The following UBE3B variants were observed in gnomAD, a reference collection of about 807,000 sequenced individuals.
UBE3B encodes ubiquitin protein ligase E3B.
In UBE3B, 80 loss-of-function variants were observed where a neutral mutation model predicts 132.3. That is an observed-to-expected ratio of 0.60 (90% CI 0.50 to 0.73). The LOEUF (loss-of-function observed/expected upper bound fraction) is 0.73, where lower values mean the gene tolerates loss of function less well. Among genes scored for constraint, UBE3B ranks in the 30% least tolerant of loss-of-function variants. UBE3B has a pLI of 0.00. For missense variants in UBE3B, 1,196 were observed against 1,362.5 expected (o/e 0.88, Z 1.92); for synonymous variants, 487 against 520.4 (o/e 0.94, Z 0.87).
the UBE3B span, among the ~76,000 whole-genome samples, chr12:109,546,517 G>A: frequency 1.1e-4 from 16 of 152,216 alleles, no homozygotes; most frequent in African/African-American, 3.4e-4. Flanking sequence ...TGCTGTGGGC[G>A]TGAATGAACC....
intron 15 of UBE3B, chr12:109,509,033 T>C (rs990899721): frequency 2.6e-5 from 4 of 152,318 alleles, no homozygotes; most frequent in African/African-American, 9.7e-5. Context: ...AAGAAAAATA[T>C]AGAGTACAGA....
At chr12:109,533,851 A>G (rs1363296916) in intron 27 of UBE3B, 1 of 1,217,054 alleles carries the variant, frequency 8.2e-7, no homozygotes, top group Non-Finnish European at 1.1e-6. Context: ...GTCTGGCCTC[A>G]CCAGGGCTCC....
At chr12:109,494,103 T>C (rs1165052060) in intron 9 of UBE3B, among the ~76,000 whole-genome samples, 1 of 152,140 alleles carries the variant, frequency 6.6e-6, no homozygotes, top group South Asian at 2.1e-4. Context: ...GCTGGAATTA[T>C]AGGAGTGAGC....
the UBE3B span, among the ~76,000 whole-genome samples, chr12:109,543,594 T>G: frequency 3.3e-5 from 5 of 152,180 alleles, no homozygotes; most frequent in African/African-American, 1.2e-4. Flanking sequence ...ATCCCAACAC[T>G]TTCGGAGGCA....
intron 14 of UBE3B, 73 bp downstream of exon 14, chr12:109,503,263 T>A: frequency 6.4e-7 from 1 of 1,557,920 alleles, no homozygotes; most frequent in Non-Finnish European, 8.7e-7. Context: ...AAGTCGATGT[T>A]TTTTTCTGGC....
intron 2 of UBE3B, among the ~76,000 whole-genome samples, chr12:109,482,160 A>C (rs61941591): frequency 0.17 from 25,711 of 152,176 alleles, 2,229 homozygotes; most frequent in African/African-American, 0.18. Context: ...TAATACTATT[A>C]AGTCCAATGT....
chr12:109,508,262 A>T (rs1239057405), intron 15 of UBE3B, among the ~76,000 whole-genome samples: 1 of 152,222 alleles, frequency 6.6e-6, no homozygotes, highest in Non-Finnish European at 1.5e-5. Context: ...GGCACATAGG[A>T]TGAGTTCAGT....
chr12:109,523,976 A>G lies in UBE3B; in HGVS notation c.2365-2A>G. 1.2e-6 allele frequency: 2 copies of G among 1,613,790 alleles called. No homozygotes were observed. Among genetic ancestry groups the G allele is most frequent in the African/African-American group, 1.3e-5 (1 of 75,042 alleles). ...GACAGCTCTGCTTCTCTGCTCTCCC[A>G]GGGAATTGTGGTGGACGTGCCATTT... On this transcript the variant is annotated splice_acceptor_variant, in intron 21 of 27. Coordinates refer to ENST00000342494, the MANE Select transcript of UBE3B (RefSeq NM_130466.4). LOFTEE classifies it high-confidence loss of function.
At chr12:109,526,780 A>G (rs1882382895) in intron 24 of UBE3B, among the ~76,000 whole-genome samples, 1 of 152,024 alleles carries the variant, frequency 6.6e-6, no homozygotes, top group East Asian at 1.9e-4. Flanking sequence ...CTGAGGCAGG[A>G]GAATCGCTTG....
At chr12:109,481,205 T>C (rs1875354563) in intron 1 of UBE3B, among the ~76,000 whole-genome samples, 1 of 151,328 alleles carries the variant, frequency 6.6e-6, no homozygotes, top group Non-Finnish European at 1.5e-5. Context: ...TAATCCCAGC[T>C]ACTTGGGAGG....
chr12:109,541,661 G>A (rs993389190), downstream of UBE3B, among the ~76,000 whole-genome samples: 3 of 152,172 alleles, frequency 2.0e-5, no homozygotes, highest in Non-Finnish European at 4.4e-5. Flanking sequence ...CAAGCCGGGT[G>A]GCTTAAAACA....
At chr12:109,495,232 T>C (rs1290230175) in intron 9 of UBE3B, among the ~76,000 whole-genome samples, 1 of 152,224 alleles carries the variant, frequency 6.6e-6, no homozygotes, top group African/African-American at 2.4e-5. Flanking sequence ...AGTGAAAGTA[T>C]ATAGTGTGAA....
In UBE3B at chr12:109,518,745, G is replaced by T. The variant is rs1355639864; in HGVS notation, c.2076+1861G>T. Among the ~76,000 whole-genome samples the T allele has an allele frequency of 3.3e-5, 5 of 152,216 alleles. No individual in the cohort carries two copies. The East Asian group carries it at 9.6e-4, about 29-fold the overall frequency. On this transcript the variant is annotated intron_variant, in intron 19 of 27. Coordinates refer to ENST00000342494, the MANE Select transcript of UBE3B (RefSeq NM_130466.4). ...TTCACTTGACATCCCAGTTACTCTG[G>T]CCCTACTTTTTAAAGCATATCCCTC...
At chr12:109,499,109 C>G (rs987018161) in intron 11 of UBE3B, among the ~76,000 whole-genome samples, 1 of 152,142 alleles carries the variant, frequency 6.6e-6, no homozygotes, top group African/African-American at 2.4e-5. Context: ...ATAAAAACTT[C>G]CCTGGGGCCA....
intron 24 of UBE3B, among the ~76,000 whole-genome samples, chr12:109,527,165 G>C (rs1471885419): frequency 6.6e-6 from 1 of 152,212 alleles, no homozygotes; most frequent in Non-Finnish European, 1.5e-5. Flanking sequence ...CACAGACGGA[G>C]GTCCTTAGAC....
At chr12:109,493,565 C>T (rs11066912) in intron 9 of UBE3B, among the ~76,000 whole-genome samples, 13,016 of 152,224 alleles carry the variant, frequency 0.086, 1,303 homozygotes, top group African/African-American at 0.24. Context: ...TAAGGCCAGG[C>T]TACTCTAAAG....
Position 109,497,815 on chromosome 12 carries a change from T to C in UBE3B, c.714-3T>C. The stretch of plus-strand genomic sequence containing the variant: ...CTGAATGAGTGGATCTATCTGTGTC[T>C]AGCCCTGTGATTGCTGCACAGTTCT... On this transcript the variant is annotated splice_polypyrimidine_tract_variant and splice_region_variant and intron_variant, in intron 9 of 27. Transcript: ENST00000342494. The C allele has an allele frequency of 6.2e-7, 1 of 1,614,164 alleles. No homozygotes were observed. Among genetic ancestry groups the C allele is most frequent in the Non-Finnish European group, 8.5e-7 (1 of 1,180,026 alleles).
rs758612295 is a variant in UBE3B, at chr12:109,498,299, C to T, written c.886C>T (p.Arg296Ter). The change falls in exon 11 of 28, where the codon CGA becomes TGA. Residue 296 changes from arginine (R) to a stop codon, truncating the protein, a stop_gained. Transcript: ENST00000342494. LOFTEE classifies it high-confidence loss of function. ...CATCATATTTTTAAGAGACCAAGAT[C>T]GATGCCGTGATGTATGTGAAAGTTT... ...KFIIFLRDQD[R>*]CRDVCESLEG... is the part of the protein sequence containing the mutation. The T allele has an allele frequency of 5.6e-6, 9 of 1,613,942 alleles. No homozygotes were observed. The highest frequency in any genetic ancestry group is 2.2e-5 in the East Asian group (1 of 44,882).
intron 12 of UBE3B, among the ~76,000 whole-genome samples, chr12:109,500,462 A>G (rs1592914883): frequency 6.6e-6 from 1 of 152,214 alleles, no homozygotes; most frequent in East Asian, 1.9e-4. Flanking sequence ...AGAAAACTAA[A>G]GGCCTGGGGA....
Sources: allele counts gnomAD v4.1 joint callset (sites outside exome capture counted in the v4.1 genomes callset), GRCh38; gene constraint gnomAD v4.1.1; transcripts MANE v1.5; gene names NCBI Gene and HGNC (gene_info 2026-07-23, HGNC 2026-07-21).